The following PRMT9 variants were observed in gnomAD, a reference collection of about 807,000 sequenced individuals.
The protein encoded by PRMT9 is protein arginine N-methyltransferase 9.
Under a neutral mutation model 83.2 loss-of-function variants are expected in PRMT9, and 59 were observed. That is an observed-to-expected ratio of 0.71 (90% CI 0.57 to 0.88). PRMT9 has a LOEUF of 0.88. Ranked by LOEUF, PRMT9 falls within the 40% of genes least tolerant of loss-of-function variation. PRMT9 has a pLI of 0.00. For missense variants in PRMT9, 947 were observed against 1,021.9 expected, an observed-to-expected ratio of 0.93 and a Z score of 1.00; for synonymous variants, 333 against 353.2, an observed-to-expected ratio of 0.94 and a Z score of 0.64.
At chr4:147,675,885 T>G (rs972597098) in intron 2 of PRMT9, among the ~76,000 whole-genome samples, 1 of 152,210 alleles carries the variant, frequency 6.6e-6, no homozygotes, top group Non-Finnish European at 1.5e-5. Flanking sequence ...TCCAGACACA[T>G]TTTATTACAC....
rs1735452039 is a variant in PRMT9 at position 147,667,943 on chromosome 4, T to G, written c.953+596A>C. ...TCCTAAGTTGTATCAAAATTAATTT[T>G]CCATTAAAAAAAAACTGGCTTTAAC... On this transcript the variant is annotated intron_variant, in intron 6 of 11. Coordinates refer to ENST00000322396, the MANE Select transcript of PRMT9 (RefSeq NM_138364.4). Among the ~76,000 whole-genome samples the G allele has an allele frequency of 2.0e-5, 3 of 150,978 alleles. No individual in the cohort carries two copies. The South Asian group carries it at 6.3e-4, about 32-fold the overall frequency.
intron 9 of PRMT9, among the ~76,000 whole-genome samples, chr4:147,649,659 C>G (rs564253735): frequency 6.6e-6 from 1 of 152,164 alleles, no homozygotes; most frequent in Non-Finnish European, 1.5e-5. Context: ...TGCGCCACCA[C>G]GCTTGGCTAC....
chr4:147,658,111 T>A (rs374266333), intron 7 of PRMT9, 136 bp from the exon 8 acceptor site: 3 of 650,404 alleles, frequency 4.6e-6, no homozygotes, highest in African/African-American at 3.6e-5. Context: ...GGCACACCTA[T>A]AACCATGTAA....
At position 147,654,508 on chromosome 4, in the gene PRMT9, G is replaced by A. The variant is rs147603635; in HGVS notation, c.1389C>T (p.Tyr463=). 391 of 1,613,870 alleles carry A rather than the reference G, an allele frequency of 2.4e-4. 2 individuals are homozygous for A. The African/African-American group carries it at 4.8e-3, about 20-fold the overall frequency. The stretch of plus-strand genomic sequence containing the variant: ...AGACACTAATACTCTGGATTCTTAA[G>A]TAACAGTCTTGACAAGATACTTCCA... The part of the protein sequence containing the change: ...VMMEVSCQDC[Y]LRIQSISVLG... Residue 463 remains tyrosine (Y), a synonymous_variant, in exon 9 of 12, where the codon TAC becomes TAT. Coordinates refer to ENST00000322396, the MANE Select transcript of PRMT9 (RefSeq NM_138364.4).
At chr4:147,657,513 G>C (rs1194555645) in intron 8 of PRMT9, among the ~76,000 whole-genome samples, 1 of 150,324 alleles carries the variant, frequency 6.7e-6, no homozygotes, top group African/African-American at 2.5e-5. Flanking sequence ...AAAAGAGCGA[G>C]ACTCTGTCGT....
At chr4:147,671,772 T>A (rs1735748409) in intron 4 of PRMT9, 3 of 442,968 alleles carry the variant, frequency 6.8e-6, no homozygotes, top group Non-Finnish European at 1.3e-5. Flanking sequence ...AACCAATAGA[T>A]CTTTCTACAA....
At chr4:147,665,321 T>G (rs1735255294) in intron 6 of PRMT9, among the ~76,000 whole-genome samples, 1 of 152,176 alleles carries the variant, frequency 6.6e-6, no homozygotes, top group Non-Finnish European at 1.5e-5. Context: ...TCTATACTAT[T>G]AGTTGGCATT....
At chr4:147,656,554 A>T (rs1434184379) in intron 8 of PRMT9, among the ~76,000 whole-genome samples, 1 of 151,854 alleles carries the variant, frequency 6.6e-6, no homozygotes, top group Non-Finnish European at 1.5e-5. Flanking sequence ...GGATGGATCA[A>T]GAGGTCAGGA....
intron 9 of PRMT9, among the ~76,000 whole-genome samples, chr4:147,648,293 G>A (rs115645577): frequency 6.2e-4 from 94 of 152,236 alleles, no homozygotes; most frequent in African/African-American, 2.2e-3. Flanking sequence ...ACACACTGAA[G>A]GTTGAGTTGA....
chr4:147,658,033 A>C (rs950441801), intron 7 of PRMT9, 58 bp from the exon 8 acceptor site: 4 of 1,175,368 alleles, frequency 3.4e-6, no homozygotes, highest in Non-Finnish European at 5.0e-6. Flanking sequence ...TACTTGCCTC[A>C]GTATCTTACC....
rs1049965186 is a variant in PRMT9, at chr4:147,654,016, G to C, written c.1881C>G (p.His627Gln). ...AAAACTCAAGTGTTTCTTTAGGAAA[G>C]TGATTGGCTTCAGATATGAGGTCCA... ...IALDLISEAN[H>Q]FPKETLEFWL... Residue 627 changes from histidine to glutamine, a missense_variant, in exon 9 of 12, where the codon CAC (histidine) becomes CAG (glutamine). His to Gln is a conservative substitution (Grantham distance 24). Coordinates refer to ENST00000322396, the MANE Select transcript of PRMT9 (RefSeq NM_138364.4). 4.3e-6 allele frequency: 7 copies of C among 1,614,108 alleles called. No individual in the cohort carries two copies. The Admixed American group carries it at 5.0e-5, about 12-fold the overall frequency.
intron 1 of PRMT9, 131 bp downstream of exon 1, chr4:147,683,668 A>T: frequency 1.2e-6 from 1 of 852,722 alleles, no homozygotes; most frequent in Non-Finnish European, 1.9e-6. Context: ...GTGAGAAAAA[A>T]GGGCCCTAAA....
At chr4:147,638,803 A>T in intron 11 of PRMT9, 56 bp from the exon 12 acceptor site, 1 of 1,425,972 alleles carries the variant, frequency 7.0e-7, no homozygotes, top group Non-Finnish European at 9.7e-7. Context: ...GACTTAGATA[A>T]GTCTCTTTTT....
At chr4:147,642,442 T>C (rs777472092) in intron 10 of PRMT9, among the ~76,000 whole-genome samples, 13 of 152,122 alleles carry the variant, frequency 8.5e-5, no homozygotes, top group Non-Finnish European at 5.9e-5. Context: ...GATTTCACCA[T>C]GTTGGCCAGG....
intron 10 of PRMT9, among the ~76,000 whole-genome samples, chr4:147,640,040 C>CACTAACT (rs1218220646): frequency 6.9e-6 from 1 of 144,884 alleles, no homozygotes; most frequent in African/African-American, 2.5e-5. Flanking sequence ...TTATTTCTCA[C>CACTAACT]ACTAACTGGT....
chr4:147,675,670 A>T (rs531343856), intron 2 of PRMT9, among the ~76,000 whole-genome samples: 2 of 152,352 alleles, frequency 1.3e-5, no homozygotes, highest in East Asian at 3.9e-4. Context: ...TAAAAAATAT[A>T]TAATCTACTC....
Position 147,660,995 on chromosome 4 carries a change from C to G in PRMT9, c.997G>C (p.Val333Leu), listed in dbSNP as rs1268923518. 5 of 1,613,182 alleles carry G rather than the reference C, an allele frequency of 3.1e-6. No individual in the cohort carries two copies. Among genetic ancestry groups the G allele is most frequent in the Non-Finnish European group, 4.2e-6 (5 of 1,179,362 alleles). ...DIAGIHLPTN[V>L]KFQSPAYSSV... Reference sequence around the variant, plus strand: ...GAATAAGCCGGACTCTGAAATTTCACATTTGTTGGCAAATGGATACCAGCA... The same window carrying G: ...GAATAAGCCGGACTCTGAAATTTCAGATTTGTTGGCAAATGGATACCAGCA... The change falls in exon 7 of 12, where the codon GTG becomes CTG. Residue 333 changes from valine (V) to leucine (L), a missense_variant. Transcript: ENST00000322396.
At chr4:147,667,762 A>G (rs1199967881) in intron 6 of PRMT9, among the ~76,000 whole-genome samples, 1 of 152,220 alleles carries the variant, frequency 6.6e-6, no homozygotes, top group East Asian at 1.9e-4. Flanking sequence ...ATCCAGCCCA[A>G]CTACAAATCA....
At chr4:147,659,400 T>C (rs1342824419) in intron 7 of PRMT9, among the ~76,000 whole-genome samples, 1 of 147,018 alleles carries the variant, frequency 6.8e-6, no homozygotes, top group Non-Finnish European at 1.5e-5. Context: ...AAACTCTGTC[T>C]CAAAAAAAAA....
Sources: allele counts gnomAD v4.1 joint callset (sites outside exome capture counted in the v4.1 genomes callset), GRCh38; gene constraint gnomAD v4.1.1; transcripts MANE v1.5; gene names NCBI Gene and HGNC (gene_info 2026-07-23, HGNC 2026-07-21).